The following CNTNAP2 variants were observed in gnomAD, a reference collection of about 807,000 sequenced individuals.
CNTNAP2 encodes contactin associated protein 2, also known as contactin-associated protein-like 2.
Under a neutral mutation model 155.2 loss-of-function variants are expected in CNTNAP2, and 98 were observed. That is an observed-to-expected ratio of 0.63 (90% CI 0.54 to 0.75). The LOEUF (loss-of-function observed/expected upper bound fraction) is 0.75, where lower values mean the gene tolerates loss of function less well. Ranked by LOEUF, CNTNAP2 falls within the 30% of genes least tolerant of loss-of-function variation. The pLI is 0.00. For missense variants in CNTNAP2, 1,727 were observed against 1,688.1 expected, an observed-to-expected ratio of 1.02 and a Z score of -0.40; for synonymous variants, 651 against 631.2, an observed-to-expected ratio of 1.03 and a Z score of -0.47.
chr7:147,559,448 G>A (rs1800017239), intron 11 of CNTNAP2, among the ~76,000 whole-genome samples: 1 of 152,182 alleles, frequency 6.6e-6, no homozygotes, highest in Admixed American at 6.5e-5. Context: ...TAAAAGTGAT[G>A]TTTCATAACT....
chr7:146,680,262 G>A (rs168257), intron 1 of CNTNAP2, among the ~76,000 whole-genome samples: 16,587 of 152,138 alleles, frequency 0.11, 1,484 homozygotes, highest in African/African-American at 0.25. Context: ...GTAACCACAT[G>A]TTATGTGTGG....
intron 1 of CNTNAP2, among the ~76,000 whole-genome samples, chr7:146,765,406 C>T (rs1000928407): frequency 3.9e-5 from 6 of 152,200 alleles, no homozygotes; most frequent in African/African-American, 1.4e-4. Flanking sequence ...TACAAAAATA[C>T]ATCTTAGAAG....
In CNTNAP2 at chr7:148,052,143, C is replaced by CAA. The variant is rs750104789; in HGVS notation, c.2384-65960_2384-65959dup. Among the ~76,000 whole-genome samples the CAA allele has an allele frequency of 4.1e-3, 393 of 96,740 alleles. 5 individuals carry two copies. Among genetic ancestry groups the CAA allele is most frequent in the African/African-American group, 5.5e-3 (133 of 24,044 alleles). 63.5% of individuals were successfully genotyped at this position (96,740 alleles called of 152,430 possible). A position where few individuals can be genotyped will look rare whatever the true frequency, so the allele number is the denominator to read the frequency against. ...GACAGACAGAGCCAGACTCCGTCTC[C>CAA]AAAAAAAAAAAAAAAAGCCCTTGTA... On this transcript the variant is annotated intron_variant, in intron 15 of 23. Coordinates refer to ENST00000361727, the MANE Select transcript of CNTNAP2 (RefSeq NM_014141.6).
At chr7:147,056,374 GA>G (rs755431904) in intron 4 of CNTNAP2, among the ~76,000 whole-genome samples, 13 of 149,928 alleles carry the variant, frequency 8.7e-5, no homozygotes, top group East Asian at 3.9e-4. Context: ...TTTATTAAGG[GA>G]AAAAAAAACC....
rs1799973255 is a variant in CNTNAP2, at chr7:148,415,784, A to AGC, written c.*168_*169insGC. The AGC allele has an allele frequency of 1.3e-5, 9 of 716,268 alleles. No individual in the cohort carries two copies. Among genetic ancestry groups the AGC allele is most frequent in the African/African-American group, 1.1e-4 (6 of 55,794 alleles). 44.4% of individuals were successfully genotyped at this position (716,268 alleles called of 1,614,324 possible). A position where few individuals can be genotyped will look rare whatever the true frequency, so the allele number is the denominator to read the frequency against. ...GAATATTCTTGAGACTGATCACAAA[A>AGC]AAAAAAACCTTTTTAATATTTCTTT... On this transcript the variant is annotated 3_prime_UTR_variant, in exon 24 of 24. Transcript: ENST00000361727.
chr7:148,170,184 T>C (rs1805754256), intron 17 of CNTNAP2, among the ~76,000 whole-genome samples: 1 of 152,240 alleles, frequency 6.6e-6, no homozygotes, highest in Non-Finnish European at 1.5e-5. Flanking sequence ...GACTATTACA[T>C]TGATCACCAG....
chr7:146,443,334 C>T (rs2535751), intron 1 of CNTNAP2, among the ~76,000 whole-genome samples: 5,413 of 151,990 alleles, frequency 0.036, 341 homozygotes, highest in African/African-American at 0.12. Flanking sequence ...CCATCTTTTC[C>T]CTGTAAAGTT....
intron 12 of CNTNAP2, among the ~76,000 whole-genome samples, chr7:147,601,424 T>C (rs1039562415): frequency 6.6e-6 from 1 of 151,768 alleles, no homozygotes; most frequent in African/African-American, 2.4e-5. Context: ...TGGGGGAGCT[T>C]TTGAGCCAGG....
At chr7:146,550,283 C>T (rs905844976) in intron 1 of CNTNAP2, among the ~76,000 whole-genome samples, 13 of 151,816 alleles carry the variant, frequency 8.6e-5, no homozygotes, top group East Asian at 3.9e-4. Flanking sequence ...GAGACTCTTC[C>T]GGTGACCAAA....
chr7:147,189,846 A>G lies in CNTNAP2; in HGVS notation c.1348+57337A>G, dbSNP rs541938636. On this transcript the variant is annotated intron_variant, in intron 8 of 23. Transcript: ENST00000361727. ...TGTAAGCTCCGCCCCCCAAGTTCAC[A>G]CCATTCTCCTGCCTCAGCCTCCCGA... Among the ~76,000 whole-genome samples, 11 of 151,976 alleles carry G rather than the reference A, an allele frequency of 7.2e-5. No homozygotes were observed. In the East Asian group the frequency reaches 7.8e-4, roughly 11 times the overall value.
chr7:148,063,862 G>C (rs1803205267), intron 15 of CNTNAP2, among the ~76,000 whole-genome samples: 1 of 152,004 alleles, frequency 6.6e-6, no homozygotes, highest in African/African-American at 2.4e-5. Context: ...TAGGATTTCA[G>C]GTCTTAGATT....
intron 1 of CNTNAP2, among the ~76,000 whole-genome samples, chr7:146,317,707 A>T (rs1800931774): frequency 6.6e-6 from 1 of 152,246 alleles, no homozygotes; most frequent in Admixed American, 6.5e-5. Context: ...CTATGCAATT[A>T]CTGATGCTGT....
At chr7:147,510,775 AT>A in intron 11 of CNTNAP2, among the ~76,000 whole-genome samples, 1 of 147,916 alleles carries the variant, frequency 6.8e-6, no homozygotes, top group South Asian at 2.1e-4. Flanking sequence ...TTGCTTGGAA[AT>A]TTTATTTTAT....
intron 15 of CNTNAP2, among the ~76,000 whole-genome samples, chr7:148,091,205 G>T (rs921046254): frequency 6.6e-6 from 1 of 152,130 alleles, no homozygotes; most frequent in Non-Finnish European, 1.5e-5. Context: ...AAATTGCTAT[G>T]AGAGTGGATT....
At chr7:146,896,428 C>T (rs1795879082) in intron 3 of CNTNAP2, among the ~76,000 whole-genome samples, 1 of 151,934 alleles carries the variant, frequency 6.6e-6, no homozygotes, top group East Asian at 1.9e-4. Flanking sequence ...TTCTGTTCCC[C>T]GTAGTATCTT....
chr7:146,445,938 T>C (rs1482880386), intron 1 of CNTNAP2, among the ~76,000 whole-genome samples: 1 of 152,144 alleles, frequency 6.6e-6, no homozygotes, highest in Non-Finnish European at 1.5e-5. Context: ...TAAGAAGATA[T>C]ATTCCCTAAA....
At chr7:148,407,143 CAAGGTTTTTA>C (rs1799720775) in intron 22 of CNTNAP2, among the ~76,000 whole-genome samples, 1 of 30,592 alleles carries the variant, frequency 3.3e-5, no homozygotes, top group East Asian at 4.9e-4. Context: ...GGTTTTTATT[CAAGGTTTTTA>C]TTATATGTTT....
intron 18 of CNTNAP2, among the ~76,000 whole-genome samples, chr7:148,203,954 T>C (rs1795407435): frequency 6.6e-6 from 1 of 152,152 alleles, no homozygotes; most frequent in African/African-American, 2.4e-5. Context: ...TAAACATCTT[T>C]TTTGAAGAGG....
intron 1 of CNTNAP2, among the ~76,000 whole-genome samples, chr7:146,381,570 C>T (rs761486575): frequency 1.3e-5 from 2 of 151,944 alleles, no homozygotes; most frequent in African/African-American, 2.4e-5. Flanking sequence ...TTTTACAGTG[C>T]TTAAAATATT....
Sources: allele counts gnomAD v4.1 joint callset (sites outside exome capture counted in the v4.1 genomes callset), GRCh38; gene constraint gnomAD v4.1.1; transcripts MANE v1.5; gene names NCBI Gene and HGNC (gene_info 2026-07-23, HGNC 2026-07-21).